Variants in SNX29 observed in about 807,000 individuals in gnomAD.
SNX29 encodes the protein sorting nexin-29.
Under a neutral mutation model 102.1 loss-of-function variants are expected in SNX29, and 78 were observed. The ratio of observed to expected loss-of-function variants is 0.76; its 90% CI spans 0.64 to 0.92. SNX29 has a LOEUF of 0.92. Ranked by LOEUF, SNX29 falls within the 40% of genes least tolerant of loss-of-function variation. SNX29 has a pLI of 0.00. For synonymous variants in SNX29, 580 were observed against 414.5 expected (o/e 1.40, Z -4.85); for missense variants, 1,280 against 1,061.7 (o/e 1.21, Z -2.86).
In SNX29 at chr16:12,328,849, T is replaced by C. The variant is rs190882172; in HGVS notation, c.1783-27314T>C. 4.3e-3 allele frequency among the ~76,000 whole-genome samples: 648 copies of C among 152,300 alleles called. 18 individuals are homozygous for C. Among genetic ancestry groups the C allele is most frequent in the Admixed American group, 0.04 (605 of 15,294 alleles). On this transcript the variant is annotated intron_variant, in intron 15 of 20. Coordinates refer to ENST00000566228, the MANE Select transcript of SNX29 (RefSeq NM_032167.5). ...CTCATGTAACAGACAATTCTGAGAA[T>C]GCTGGCTGAAGGTATGGCTGGATGT...
At position 12,571,743 on chromosome 16, in the gene SNX29, C is replaced by G. The variant is rs2079192038; in HGVS notation, c.*3114C>G. 6.8e-6 allele frequency: 7 copies of G among 1,025,660 alleles called. No individual in the cohort carries two copies. The highest frequency in any genetic ancestry group is 9.4e-5 in the South Asian group (2 of 21,202). 63.5% of individuals were successfully genotyped at this position (1,025,660 alleles called of 1,614,324 possible). A position where few individuals can be genotyped will look rare whatever the true frequency, so the allele number is the denominator to read the frequency against. ...GCTTAAAGGCTGCTAGAAACCTAGC[C>G]CAACCATCCACTCCTGATCTGAGAC... On this transcript the variant is annotated 3_prime_UTR_variant, in exon 21 of 21. Coordinates refer to ENST00000566228, the MANE Select transcript of SNX29 (RefSeq NM_032167.5).
intron 3 of SNX29, among the ~76,000 whole-genome samples, chr16:12,007,323 G>A (rs2056487360): frequency 6.6e-6 from 1 of 152,106 alleles, no homozygotes; most frequent in Non-Finnish European, 1.5e-5. Context: ...TGGCCAACAT[G>A]GCAAAACCCC....
intron 15 of SNX29, among the ~76,000 whole-genome samples, chr16:12,310,218 A>C (rs956850602): frequency 2.0e-5 from 3 of 152,248 alleles, no homozygotes; most frequent in Non-Finnish European, 2.9e-5. Flanking sequence ...CATGCATTGC[A>C]TTAGGAGAGA....
At chr16:12,531,957 C>T (rs1159918679) in intron 20 of SNX29, among the ~76,000 whole-genome samples, 1 of 152,160 alleles carries the variant, frequency 6.6e-6, no homozygotes, top group Admixed American at 6.5e-5. Context: ...AACCGTCCTG[C>T]TGAAAATTAA....
intron 14 of SNX29, among the ~76,000 whole-genome samples, chr16:12,265,756 G>A (rs1437967010): frequency 6.7e-6 from 1 of 148,790 alleles, no homozygotes; most frequent in East Asian, 2.0e-4. Flanking sequence ...TGGGTTTGAT[G>A]GCACACGCCT....
At chr16:12,538,472 G>A (rs2077177528) in intron 20 of SNX29, among the ~76,000 whole-genome samples, 1 of 152,282 alleles carries the variant, frequency 6.6e-6, no homozygotes, top group Admixed American at 6.5e-5. Context: ...CTCCTATGTT[G>A]ATGCTGTGTA....
intron 16 of SNX29, among the ~76,000 whole-genome samples, chr16:12,361,586 T>C (rs1567478431): frequency 6.6e-6 from 1 of 152,188 alleles, no homozygotes; most frequent in Non-Finnish European, 1.5e-5. Flanking sequence ...AAGACAAAGC[T>C]GAGACTCAGA....
intron 14 of SNX29, among the ~76,000 whole-genome samples, chr16:12,252,501 G>T (rs574475616): frequency 3.9e-5 from 6 of 152,344 alleles, no homozygotes; most frequent in South Asian, 4.1e-4. Flanking sequence ...CAGTAAGGCA[G>T]TGTGCCATTC....
intron 14 of SNX29, among the ~76,000 whole-genome samples, chr16:12,236,352 C>G (rs1230134584): frequency 2.6e-5 from 4 of 152,288 alleles, no homozygotes; most frequent in Non-Finnish European, 4.4e-5. Flanking sequence ...GGTCTTGACC[C>G]TTCTGTTGAG....
rs530993563 is a variant in SNX29 at position 12,035,124 on chromosome 16, A to G, written c.247+7680A>G. On this transcript the variant is annotated intron_variant, in intron 4 of 20. Transcript: ENST00000566228. Reference sequence around the variant, plus strand: ...TTGCTTTGCTCCTTTCAGAATGTAAATGACTCTTCAGCTCATGATGGCGTA... The same window carrying G: ...TTGCTTTGCTCCTTTCAGAATGTAAGTGACTCTTCAGCTCATGATGGCGTA... Among the ~76,000 whole-genome samples, 5 of 151,918 alleles carry G rather than the reference A, an allele frequency of 3.3e-5. No homozygotes were observed. The East Asian group carries it at 9.7e-4, about 29-fold the overall frequency.
intron 15 of SNX29, among the ~76,000 whole-genome samples, chr16:12,333,171 T>C (rs971298426): frequency 8.1e-5 from 12 of 148,188 alleles, no homozygotes; most frequent in Non-Finnish European, 1.6e-4. Context: ...AGTGGTGCGA[T>C]CTTGGCTCAC....
rs190607414 is a variant in SNX29 at position 12,491,775 on chromosome 16, C to T, written c.2178+13916C>T. 5.9e-4 allele frequency among the ~76,000 whole-genome samples: 89 copies of T among 152,030 alleles called. No homozygotes were observed. In the East Asian group the frequency reaches 7.1e-3, roughly 12 times the overall value. ...ATTCCCACCTATAAGTGAGAACATG[C>T]GGTGTTTGGTTTTCTGTCCTTGTGA... is the stretch of plus-strand genomic sequence containing the variant. On this transcript the variant is annotated intron_variant, in intron 19 of 20. Coordinates refer to ENST00000566228, the MANE Select transcript of SNX29 (RefSeq NM_032167.5).
intron 20 of SNX29, among the ~76,000 whole-genome samples, chr16:12,537,664 C>T (rs2077136846): frequency 1.3e-5 from 2 of 152,182 alleles, no homozygotes; most frequent in African/African-American, 2.4e-5. Context: ...TGCCCTACTT[C>T]ATGTCTTTTT....
chr16:12,443,076 G>C (rs1567568267), intron 18 of SNX29: 1 of 455,416 alleles, frequency 2.2e-6, no homozygotes, highest in African/African-American at 2.0e-5. Flanking sequence ...CCTGGTTTGA[G>C]AGGAGTGCGT....
intron 18 of SNX29, among the ~76,000 whole-genome samples, chr16:12,420,607 T>C (rs895261773): frequency 9.2e-5 from 14 of 152,226 alleles, no homozygotes; most frequent in Admixed American, 5.2e-4. Flanking sequence ...TTAACATCTC[T>C]GCATGTCAGT....
At chr16:12,515,725 A>C in intron 19 of SNX29, 1 of 424,346 alleles carries the variant, frequency 2.4e-6, no homozygotes. Flanking sequence ...TAAGCTCCGG[A>C]GGGCAGGGGT....
At chr16:12,515,066 G>C (rs535122771) in intron 19 of SNX29, among the ~76,000 whole-genome samples, 2 of 152,054 alleles carry the variant, frequency 1.3e-5, no homozygotes, top group African/African-American at 4.8e-5. Context: ...TGCTAGTGAC[G>C]GCTCCTCCTG....
intron 15 of SNX29, among the ~76,000 whole-genome samples, chr16:12,342,181 A>G (rs182877391): frequency 2.2e-4 from 34 of 152,360 alleles, no homozygotes; most frequent in African/African-American, 4.3e-4. Flanking sequence ...TTCACTGCGT[A>G]TATCATGGGG....
chr16:12,419,285 C>T (rs2084774235), intron 18 of SNX29, among the ~76,000 whole-genome samples: 1 of 152,134 alleles, frequency 6.6e-6, no homozygotes, highest in Non-Finnish European at 1.5e-5. Flanking sequence ...CCTCTCAATG[C>T]AGCCATCTCC....
Sources: gnomAD v4.1 joint callset for allele counts (sites outside exome capture counted in the v4.1 genomes callset) on GRCh38, gnomAD v4.1.1 for gene constraint, MANE v1.5 for transcripts, NCBI Gene and HGNC (gene_info 2026-07-23, HGNC 2026-07-21) for gene names.